HDAC9: variants seen among roughly 807,000 people sequenced by gnomAD.
The protein encoded by HDAC9 is histone deacetylase 9.
Under a neutral mutation model 139.4 loss-of-function variants are expected in HDAC9, and 41 were observed. That is an observed-to-expected ratio of 0.29 (90% CI 0.23 to 0.38). HDAC9 has a LOEUF of 0.38. HDAC9 is among the 10% of genes least tolerant of loss of function. The pLI, the probability that HDAC9 is intolerant of heterozygous loss-of-function variation, is 1.00. For missense variants in HDAC9, 1,147 were observed against 1,297.0 expected (o/e 0.88, Z 1.78); for synonymous variants, 517 against 476.2 (o/e 1.09, Z -1.12).
intron 1 of HDAC9, among the ~76,000 whole-genome samples, chr7:18,473,826 AG>A (rs1794909695): frequency 6.6e-6 from 1 of 152,254 alleles, no homozygotes; most frequent in African/African-American, 2.4e-5. Flanking sequence ...GTCTTAAAAT[AG>A]TTCAGAAATC....
At chr7:18,268,219 G>C (rs1190460119) in intron 2 of HDAC9, among the ~76,000 whole-genome samples, 2 of 152,080 alleles carry the variant, frequency 1.3e-5, no homozygotes, top group East Asian at 3.9e-4. Flanking sequence ...CCACTGTGCT[G>C]TGTATTTTGC....
At chr7:18,623,027 C>G (rs942449336) in intron 6 of HDAC9, among the ~76,000 whole-genome samples, 3 of 151,706 alleles carry the variant, frequency 2.0e-5, no homozygotes, top group Non-Finnish European at 4.4e-5. Context: ...GCCTATGGTC[C>G]CAGCTACCCA....
At chr7:18,172,183 G>A (rs2128134378) in intron 2 of HDAC9, among the ~76,000 whole-genome samples, 1 of 152,282 alleles carries the variant, frequency 6.6e-6, no homozygotes, top group South Asian at 2.1e-4. Flanking sequence ...GAGGGTGTAT[G>A]TGTCTAGGAA....
intron 3 of HDAC9, 69 bp from the exon 4 acceptor site, chr7:18,590,267 A>C: frequency 6.7e-7 from 1 of 1,484,988 alleles, no homozygotes; most frequent in South Asian, 1.2e-5. Context: ...ATAACATTTC[A>C]GTTTTGGTCA....
chr7:18,949,642 G>A (rs952490951), intron 23 of HDAC9: 2 of 159,704 alleles, frequency 1.3e-5, no homozygotes, highest in Non-Finnish European at 2.8e-5. Flanking sequence ...AAGAAAACTG[G>A]TGCTCATTTT....
intron 1 of HDAC9, among the ~76,000 whole-genome samples, chr7:18,466,778 A>T (rs937741370): frequency 3.3e-5 from 5 of 152,262 alleles, no homozygotes; most frequent in Non-Finnish European, 7.4e-5. Context: ...GGGGGTGAAA[A>T]TCATGTGGTC....
At chr7:18,742,880 T>C (rs747242711) in intron 13 of HDAC9, among the ~76,000 whole-genome samples, 2 of 152,214 alleles carry the variant, frequency 1.3e-5, no homozygotes, top group Non-Finnish European at 2.9e-5. Context: ...ATTCATTCCA[T>C]TGTCTTTTTA....
intron 2 of HDAC9, among the ~76,000 whole-genome samples, chr7:18,220,016 T>C (rs1291149474): frequency 6.6e-6 from 1 of 152,180 alleles, no homozygotes; most frequent in African/African-American, 2.4e-5. Flanking sequence ...TTTTCAAAAC[T>C]AAGTTATATA....
At chr7:18,157,057 G>A (rs1354629119) in intron 1 of HDAC9, among the ~76,000 whole-genome samples, 1 of 152,156 alleles carries the variant, frequency 6.6e-6, no homozygotes, top group African/African-American at 2.4e-5. Context: ...GAGACAAACT[G>A]ATACCCTATC....
At chr7:18,750,151 G>A (rs1042703543) in intron 14 of HDAC9, among the ~76,000 whole-genome samples, 1 of 152,184 alleles carries the variant, frequency 6.6e-6, no homozygotes, top group Non-Finnish European at 1.5e-5. Flanking sequence ...GTATGATAGT[G>A]TGAGTTACAT....
chr7:18,981,012 A>T (rs1159106366), intron 25 of HDAC9, among the ~76,000 whole-genome samples: 1 of 151,866 alleles, frequency 6.6e-6, no homozygotes, highest in Admixed American at 6.6e-5. Context: ...TTTTTAGTAG[A>T]GATGGGGTTT....
chr7:18,983,076 T>C (rs1158022091), intron 25 of HDAC9, among the ~76,000 whole-genome samples: 2 of 152,170 alleles, frequency 1.3e-5, no homozygotes, highest in African/African-American at 2.4e-5. Flanking sequence ...AATGGAAACC[T>C]TGTAGCCATT....
intron 1 of HDAC9, among the ~76,000 whole-genome samples, chr7:18,396,891 G>GT (rs368725535): frequency 1.3e-5 from 2 of 151,302 alleles, no homozygotes; most frequent in African/African-American, 4.9e-5. Flanking sequence ...ACACATTTTT[G>GT]TTTTTTTTGG....
At chr7:18,594,407 CA>C (rs1831883214) in intron 6 of HDAC9, among the ~76,000 whole-genome samples, 1 of 152,112 alleles carries the variant, frequency 6.6e-6, no homozygotes, top group East Asian at 1.9e-4. Flanking sequence ...CCATTTACCA[CA>C]AAAACGAGAA....
At position 18,191,174 on chromosome 7, in the gene HDAC9, T is replaced by C. The variant is rs116354131; in HGVS notation, c.25+28825T>C. 9.4e-3 allele frequency among the ~76,000 whole-genome samples: 1,427 copies of C among 152,328 alleles called. 24 individuals are homozygous for C. Among genetic ancestry groups the C allele is most frequent in the African/African-American group, 0.032 (1,345 of 41,560 alleles). On this transcript the variant is annotated intron_variant, in intron 2 of 12. Transcript: ENST00000417496. ...TAAACCATTGATTAACACATTATTT[T>C]ATGTTGTATGTATTATATACTGTAT...
chr7:18,807,906 A>T (rs1361248809), intron 17 of HDAC9: 1 of 152,212 alleles, frequency 6.6e-6, no homozygotes, highest in East Asian at 1.9e-4. Context: ...TGCTGCTGCT[A>T]GATGGAATGT....
At chr7:18,763,725 A>T (rs370374655) in intron 15 of HDAC9, among the ~76,000 whole-genome samples, 1 of 152,154 alleles carries the variant, frequency 6.6e-6, no homozygotes. Context: ...TCATGATTTT[A>T]TGAGGTCATA....
At chr7:18,104,177 C>T (rs956831404) in intron 1 of HDAC9, among the ~76,000 whole-genome samples, 5 of 152,074 alleles carry the variant, frequency 3.3e-5, no homozygotes, top group African/African-American at 1.2e-4. Flanking sequence ...TTTCTTTTAT[C>T]AACTTTATAA....
At chr7:18,096,883 TTG>T (rs59590063) in intron 1 of HDAC9, among the ~76,000 whole-genome samples, 13,713 of 145,022 alleles carry the variant, frequency 0.095, 595 homozygotes, top group Non-Finnish European at 0.098. Flanking sequence ...CTTGTTGGCT[TTG>T]TGTGTGTGTG....
Sources: gnomAD v4.1 joint callset for allele counts (sites outside exome capture counted in the v4.1 genomes callset) on GRCh38, gnomAD v4.1.1 for gene constraint, MANE v1.5 for transcripts, NCBI Gene and HGNC (gene_info 2026-07-23, HGNC 2026-07-21) for gene names.